ITFG1: variants seen among roughly 807,000 people sequenced by gnomAD.
The protein encoded by ITFG1 is integrin alpha FG-GAP repeat containing 1.
In ITFG1, 34 loss-of-function variants were observed where a neutral mutation model predicts 81.8. That is an observed-to-expected ratio of 0.42 (90% CI 0.32 to 0.55). ITFG1 has a LOEUF of 0.55. Ranked by LOEUF, ITFG1 falls within the 20% of genes least tolerant of loss-of-function variation. The probability of loss-of-function intolerance (pLI) is 0.17; values close to 1 mark genes in which losing one functional copy is unlikely to be tolerated. For missense variants in ITFG1, 672 were observed against 755.4 expected (o/e 0.89, Z 1.29); for synonymous variants, 285 against 270.6 (o/e 1.05, Z -0.52).
At chr16:47,326,012 A>G (rs1218096495) in intron 8 of ITFG1, among the ~76,000 whole-genome samples, 1 of 152,150 alleles carries the variant, frequency 6.6e-6, no homozygotes, top group Non-Finnish European at 1.5e-5. Flanking sequence ...CCTGGCAGAG[A>G]CACAACAAAA....
chr16:47,167,487 C>T lies in ITFG1; in HGVS notation c.1454-4823G>A, dbSNP rs557693319. ...GGCCGGTCCTTGCCTTAAGTGATGA[C>T]ATTACCTTGTGAAAGTCCTTTTCCT... is the stretch of plus-strand genomic sequence containing the variant. On this transcript the variant is annotated intron_variant, in intron 14 of 17. Coordinates refer to ENST00000320640, the MANE Select transcript of ITFG1 (RefSeq NM_030790.5). Among the ~76,000 whole-genome samples, 7 of 152,256 alleles carry T rather than the reference C, an allele frequency of 4.6e-5. No individual in the cohort carries two copies. The South Asian group carries it at 1.5e-3, about 32-fold the overall frequency.
At chr16:47,398,155 C>T (rs1968615168) in intron 6 of ITFG1, among the ~76,000 whole-genome samples, 1 of 152,180 alleles carries the variant, frequency 6.6e-6, no homozygotes, top group African/African-American at 2.4e-5. Flanking sequence ...TGGCTTTTAA[C>T]AGCCTGTCAC....
chr16:47,244,591 TTG>T (rs57470225), intron 12 of ITFG1, among the ~76,000 whole-genome samples: 1,585 of 118,142 alleles, frequency 0.013, 18 homozygotes, highest in African/African-American at 0.03. Flanking sequence ...ATTCCATCTT[TTG>T]TGTGTGTGTG....
At chr16:47,244,200 A>G (rs1965969681) in intron 12 of ITFG1, among the ~76,000 whole-genome samples, 1 of 152,204 alleles carries the variant, frequency 6.6e-6, no homozygotes, top group South Asian at 2.1e-4. Context: ...CTTTTATAAT[A>G]AGCAGGTAAA....
At chr16:47,445,747 C>T (rs1969316773) in intron 5 of ITFG1, among the ~76,000 whole-genome samples, 1 of 152,154 alleles carries the variant, frequency 6.6e-6, no homozygotes. Flanking sequence ...CATGCAGTTT[C>T]TGCCTATGTT....
chr16:47,428,551 T>A (rs1365097388), intron 6 of ITFG1, among the ~76,000 whole-genome samples: 1 of 152,198 alleles, frequency 6.6e-6, no homozygotes, highest in Non-Finnish European at 1.5e-5. Context: ...GCTGAAATTA[T>A]CATGAATTCA....
intron 7 of ITFG1, among the ~76,000 whole-genome samples, chr16:47,366,595 CCTT>C (rs1394158987): frequency 6.6e-6 from 1 of 152,090 alleles, no homozygotes; most frequent in Non-Finnish European, 1.5e-5. Flanking sequence ...ATTGCCTTTC[CCTT>C]CTTAATTTTA....
intron 10 of ITFG1, among the ~76,000 whole-genome samples, chr16:47,288,494 T>C (rs1427076883): frequency 6.6e-6 from 1 of 152,188 alleles, no homozygotes; most frequent in Non-Finnish European, 1.5e-5. Flanking sequence ...AGTTCTATTT[T>C]TTATATTTTT....
At chr16:47,192,123 G>A (rs1965300543) in intron 14 of ITFG1, among the ~76,000 whole-genome samples, 1 of 152,168 alleles carries the variant, frequency 6.6e-6, no homozygotes, top group African/African-American at 2.4e-5. Flanking sequence ...GACAGTCTTT[G>A]CCATAACTGA....
At chr16:47,302,521 C>T (rs938636791) in intron 10 of ITFG1, among the ~76,000 whole-genome samples, 1 of 152,098 alleles carries the variant, frequency 6.6e-6, no homozygotes, top group African/African-American at 2.4e-5. Context: ...CCACTTTGGC[C>T]GTACTTGAGG....
At chr16:47,399,641 C>A (rs1269132075) in intron 6 of ITFG1, among the ~76,000 whole-genome samples, 2 of 152,176 alleles carry the variant, frequency 1.3e-5, no homozygotes, top group African/African-American at 2.4e-5. Context: ...TAAATTCTCC[C>A]TTCCATTTCG....
At chr16:47,170,208 A>C (rs1368891387) in intron 14 of ITFG1, among the ~76,000 whole-genome samples, 1 of 152,056 alleles carries the variant, frequency 6.6e-6, no homozygotes, top group East Asian at 1.9e-4. Flanking sequence ...TGTGTTAGGG[A>C]GTATTTGCTT....
At chr16:47,407,032 T>C (rs978381406) in intron 6 of ITFG1, among the ~76,000 whole-genome samples, 6 of 152,102 alleles carry the variant, frequency 3.9e-5, no homozygotes, top group African/African-American at 1.4e-4. Context: ...GTCGAGGAGA[T>C]AATGGTGGGC....
intron 13 of ITFG1, among the ~76,000 whole-genome samples, chr16:47,220,131 G>A (rs1965674415): frequency 6.6e-6 from 1 of 152,142 alleles, no homozygotes; most frequent in African/African-American, 2.4e-5. Context: ...TTGTAAAGCT[G>A]AAGCTCACCT....
chr16:47,410,448 C>T (rs1008128463), intron 6 of ITFG1, among the ~76,000 whole-genome samples: 6 of 151,988 alleles, frequency 3.9e-5, no homozygotes, highest in African/African-American at 9.7e-5. Context: ...CAGCACAAGA[C>T]GGCTGACTAG....
chr16:47,245,630 A>G (rs971029321), intron 12 of ITFG1, among the ~76,000 whole-genome samples: 2 of 152,312 alleles, frequency 1.3e-5, no homozygotes, highest in South Asian at 4.1e-4. Flanking sequence ...TATAGAACAG[A>G]ATTTCTGGGT....
chr16:47,335,370 A>C (rs956123511), intron 8 of ITFG1, among the ~76,000 whole-genome samples: 10 of 152,090 alleles, frequency 6.6e-5, no homozygotes, highest in Non-Finnish European at 1.2e-4. Context: ...AAACAAAACA[A>C]AACAAGACAA....
At chr16:47,226,676 C>T (rs1304015475) in intron 13 of ITFG1, among the ~76,000 whole-genome samples, 1 of 151,880 alleles carries the variant, frequency 6.6e-6, no homozygotes, top group East Asian at 1.9e-4. Flanking sequence ...TCTATTAAAA[C>T]ACTCCCTTTT....
At chr16:47,161,889 T>TGGCCGGGCGCGGTGGCTCACGCCTGTA in intron 15 of ITFG1, 57 bp from the exon 16 acceptor site, 1 of 988,792 alleles carries the variant, frequency 1.0e-6, no homozygotes, top group South Asian at 1.4e-5. Context: ...ACACAATTAT[T>TGGCCGGGCGCGGTGGCTCACGCCTGTA]ATTCTAAATA....
Sources: gnomAD v4.1 joint callset for allele counts (sites outside exome capture counted in the v4.1 genomes callset) on GRCh38, gnomAD v4.1.1 for gene constraint, MANE v1.5 for transcripts, NCBI Gene and HGNC (gene_info 2026-07-23, HGNC 2026-07-21) for gene names.